Variants in TNFRSF13C observed in about 807,000 individuals in gnomAD.
The protein encoded by TNFRSF13C is tumor necrosis factor receptor superfamily member 13C.
In TNFRSF13C, 7 loss-of-function variants were observed where a neutral mutation model predicts 12.1. The ratio of observed to expected loss-of-function variants is 0.58; its 90% CI spans 0.33 to 1.08. The LOEUF (loss-of-function observed/expected upper bound fraction) is 1.08. Among genes scored for constraint, TNFRSF13C ranks in the 50% least tolerant of loss-of-function variants. The probability of loss-of-function intolerance (pLI) is 0.04; values close to 1 mark genes in which losing one functional copy is unlikely to be tolerated. For synonymous variants in TNFRSF13C, 157 were observed against 130.8 expected, an observed-to-expected ratio of 1.20 and a Z score of -1.37; for missense variants, 260 against 265.9, an observed-to-expected ratio of 0.98 and a Z score of 0.15.
Position 41,925,418 on chromosome 22 carries a change from C to T in TNFRSF13C, c.504G>A (p.Leu168=), listed in dbSNP as rs374814661. 3.7e-6 allele frequency: 6 copies of T among 1,610,840 alleles called. No homozygotes were observed. The highest frequency in any genetic ancestry group is 5.1e-6 in the Non-Finnish European group (6 of 1,179,962). ...GHSVPVPATE[L]GSTELVTTKT... ...TGGTGGTCACCAGTTCAGTGGAGCCCAGCTCTGTGGCTGGCACAGGGACAC... is the reference window on the plus strand; with the variant it reads ...TGGTGGTCACCAGTTCAGTGGAGCCTAGCTCTGTGGCTGGCACAGGGACAC... Residue 168 remains leucine (L), a synonymous_variant, in exon 3 of 3, where the codon CTG becomes CTA. Coordinates refer to ENST00000291232, the MANE Select transcript of TNFRSF13C (RefSeq NM_052945.4).
chr22:41,925,343 G>A lies in TNFRSF13C; in HGVS notation c.*24C>T. On this transcript the variant is annotated 3_prime_UTR_variant, in exon 3 of 3. Transcript: ENST00000291232. ...GGCTGGGGGTCCAGAGGGAGGGCAGGGGCCACCTCCTGCCGGCTCCCTGCT... is the reference window on the plus strand; with the variant it reads ...GGCTGGGGGTCCAGAGGGAGGGCAGAGGCCACCTCCTGCCGGCTCCCTGCT... 1 of 1,588,486 alleles carries A rather than the reference G, an allele frequency of 6.3e-7. No homozygotes were observed. The highest frequency in any genetic ancestry group is 8.5e-7 in the Non-Finnish European group (1 of 1,171,108).
rs2077630555 is a variant in TNFRSF13C at position 41,926,307 on chromosome 22, C to G, written c.161G>C (p.Arg54Thr). Residue 54 changes from arginine (R) to threonine (T), a missense_variant, in exon 2 of 3, where the codon AGG becomes ACG. By Grantham distance (71) the Arg-to-Thr change is moderately conservative. Transcript: ENST00000291232. The surrounding 1 kb of genome is among the most constrained non-coding windows in gnomAD (Gnocchi z 4.9). ...CGACTCCTGCGGCTGCAGCGCCGTC[C>G]TGGGCGCAGGGCTGCTGGCCCCGGC... Reference protein sequence around the residue: ...KPAGASSPAPRTALQPQESVG... With the variant: ...KPAGASSPAPTTALQPQESVG... The G allele has an allele frequency of 6.9e-7, 1 of 1,451,250 alleles. No individual in the cohort carries two copies. The highest frequency in any genetic ancestry group is 9.0e-7 in the Non-Finnish European group (1 of 1,109,108). 89.9% of individuals were successfully genotyped at this position (1,451,250 alleles called of 1,614,324 possible).
rs971695328 is a variant in TNFRSF13C, at chr22:41,923,341, A to C, written c.*2026T>G. 6.5e-6 allele frequency: 1 copy of C among 154,596 alleles called. No individual in the cohort carries two copies. The highest frequency in any genetic ancestry group is 2.4e-5 in the African/African-American group (1 of 41,518). The allele number at this position is 154,596 out of a possible 1,614,324, so 9.6% of individuals were successfully genotyped here. Reference sequence around the variant, plus strand: ...GCAACAAGTTCCAAGGAAGCTGCCCAGGGCGAAGTCCAGGTCAGGAGGTTC... The same window carrying C: ...GCAACAAGTTCCAAGGAAGCTGCCCCGGGCGAAGTCCAGGTCAGGAGGTTC... On this transcript the variant is annotated 3_prime_UTR_variant, in exon 3 of 3. Coordinates refer to ENST00000291232, the MANE Select transcript of TNFRSF13C (RefSeq NM_052945.4).
At position 41,926,145 on chromosome 22, in the gene TNFRSF13C, A is replaced by AGCCGCCGCTGTC. The variant is rs1382035439; in HGVS notation, c.311_322dup (p.Arg104_Arg107dup). ...GGCCTCTGCGGAGGACGCGCCGCGA[A>AGCCGCCGCTGTC]GCCGCCGCTGTCGCCGCCTCCAGCT... On this transcript the variant is annotated inframe_insertion, in exon 2 of 3. Coordinates refer to ENST00000291232, the MANE Select transcript of TNFRSF13C (RefSeq NM_052945.4). The surrounding 1 kb of genome is among the most constrained non-coding windows in gnomAD (Gnocchi z 4.9). 1 of 1,611,454 alleles carries AGCCGCCGCTGTC rather than the reference A, an allele frequency of 6.2e-7. No homozygotes were observed.
intron 2 of TNFRSF13C, 88 bp from the exon 3 acceptor site, chr22:41,925,642 T>G: frequency 6.6e-7 from 1 of 1,521,992 alleles, no homozygotes; most frequent in Non-Finnish European, 8.9e-7. Context: ...CAGTCCTCCG[T>G]CAAATGAAGC....
rs1453310836 is a variant in TNFRSF13C at position 41,926,302 on chromosome 22, C to G, written c.166G>C (p.Ala56Pro). The part of the protein sequence containing the change: ...AGASSPAPRT[A>P]LQPQESVGAG... ...CCCACCGACTCCTGCGGCTGCAGCG[C>G]CGTCCTGGGCGCAGGGCTGCTGGCC... Residue 56 changes from alanine (A) to proline (P), a missense_variant, in exon 2 of 3, where the codon GCG becomes CCG. By Grantham distance (27) the Ala-to-Pro change is conservative. Coordinates refer to ENST00000291232, the MANE Select transcript of TNFRSF13C (RefSeq NM_052945.4). This position sits in a 1 kb window ranked among gnomAD's most constrained non-coding sequence, Gnocchi z 4.9. 5.5e-6 allele frequency: 8 copies of G among 1,463,780 alleles called. No individual in the cohort carries two copies. Among genetic ancestry groups the G allele is most frequent in the Non-Finnish European group, 7.2e-6 (8 of 1,116,278 alleles). 90.7% of individuals were successfully genotyped at this position (1,463,780 alleles called of 1,614,324 possible). A position where few individuals can be genotyped will look rare whatever the true frequency, so the allele number is the denominator to read the frequency against.
rs1445042910 is a variant in TNFRSF13C at position 41,922,514 on chromosome 22, G to A, written c.*2853C>T. On this transcript the variant is annotated 3_prime_UTR_variant, in exon 3 of 3. Coordinates refer to ENST00000291232, the MANE Select transcript of TNFRSF13C (RefSeq NM_052945.4). ...GAGAACTCAGGGGAAACTTCCTACC[G>A]GCTGGCGGGGCCAGCTGGGACAGAG... is the stretch of plus-strand genomic sequence containing the variant. 2 of 152,216 alleles carry A rather than the reference G, an allele frequency of 1.3e-5. No individual in the cohort carries two copies. The highest frequency in any genetic ancestry group is 3.9e-4 in the East Asian group (2 of 5,182). The allele number at this position is 152,216 out of a possible 1,614,324, so 9.4% of individuals were successfully genotyped here. A position where few individuals can be genotyped will look rare whatever the true frequency, so the allele number is the denominator to read the frequency against.
chr22:41,926,307 C>T lies in TNFRSF13C; in HGVS notation c.161G>A (p.Arg54Lys). Residue 54 changes from arginine (R) to lysine (K), a missense_variant, in exon 2 of 3, where the codon AGG (arginine) becomes AAG (lysine). Physicochemically the swap from Arg to Lys is conservative, Grantham distance 26. Transcript: ENST00000291232. The surrounding 1 kb of genome is among the most constrained non-coding windows in gnomAD (Gnocchi z 4.9). Reference protein sequence around the residue: ...KPAGASSPAPRTALQPQESVG... With the variant: ...KPAGASSPAPKTALQPQESVG... ...CGACTCCTGCGGCTGCAGCGCCGTC[C>T]TGGGCGCAGGGCTGCTGGCCCCGGC... The T allele has an allele frequency of 1.4e-6, 2 of 1,451,248 alleles. No homozygotes were observed. Among genetic ancestry groups the T allele is most frequent in the South Asian group, 1.3e-5 (1 of 74,688 alleles). The allele number at this position is 1,451,248 out of a possible 1,614,324, so 89.9% of individuals were successfully genotyped here. A position where few individuals can be genotyped will look rare whatever the true frequency, so the allele number is the denominator to read the frequency against.
rs1227276151 is a variant in TNFRSF13C, at chr22:41,923,585, G to C, written c.*1782C>G. 1 of 152,384 alleles carries C rather than the reference G, an allele frequency of 6.6e-6. No homozygotes were observed. Among genetic ancestry groups the C allele is most frequent in the Non-Finnish European group, 1.5e-5 (1 of 68,166 alleles). 9.4% of individuals were successfully genotyped at this position (152,384 alleles called of 1,614,324 possible). A position where few individuals can be genotyped will look rare whatever the true frequency, so the allele number is the denominator to read the frequency against. The stretch of plus-strand genomic sequence containing the variant: ...GCCAGTGCTTCAGGGGAACAAGCCA[G>C]AGAGAGAAGGGAGTTCAAGGGACCT... On this transcript the variant is annotated 3_prime_UTR_variant, in exon 3 of 3. Transcript: ENST00000291232.
intron 2 of TNFRSF13C, 28 bp from the exon 3 acceptor site, chr22:41,925,582 T>G: frequency 6.2e-7 from 1 of 1,609,352 alleles, no homozygotes; most frequent in Non-Finnish European, 8.5e-7. Context: ...AGAGGCTCCG[T>G]ACTCAGTCAC....
rs1439745064 is a variant in TNFRSF13C, at chr22:41,924,556, C to G, written c.*811G>C. 6.6e-6 allele frequency: 1 copy of G among 150,888 alleles called. No individual in the cohort carries two copies. Among genetic ancestry groups the G allele is most frequent in the East Asian group, 2.0e-4 (1 of 5,120 alleles). The allele number at this position is 150,888 out of a possible 1,614,324, so 9.3% of individuals were successfully genotyped here. A position where few individuals can be genotyped will look rare whatever the true frequency, so the allele number is the denominator to read the frequency against. On this transcript the variant is annotated 3_prime_UTR_variant, in exon 3 of 3. Transcript: ENST00000291232. ...CCTGTAGTCCCACCTACTCAGGAGG[C>G]TGAAGCAGAAAGATTGCTTGAGCCC... is the stretch of plus-strand genomic sequence containing the variant.
At position 41,926,316 on chromosome 22, in the gene TNFRSF13C, G is replaced by A. The variant is rs1355074916; in HGVS notation, c.152C>T (p.Pro51Leu). The change falls in exon 2 of 3, where the codon CCT becomes CTT. Residue 51 changes from proline (P) to leucine (L), a missense_variant. Coordinates refer to ENST00000291232, the MANE Select transcript of TNFRSF13C (RefSeq NM_052945.4). This position sits in a 1 kb window ranked among gnomAD's most constrained non-coding sequence, Gnocchi z 4.9. ...CGGCTGCAGCGCCGTCCTGGGCGCAGGGCTGCTGGCCCCGGCTGCTTCGGG... is the reference window on the plus strand; with the variant it reads ...CGGCTGCAGCGCCGTCCTGGGCGCAAGGCTGCTGGCCCCGGCTGCTTCGGG... ...PRPKPAGASS[P>L]APRTALQPQE... 18 of 1,434,768 alleles carry A rather than the reference G, an allele frequency of 1.3e-5. No individual in the cohort carries two copies. Among genetic ancestry groups the A allele is most frequent in the Non-Finnish European group, 1.5e-5 (16 of 1,102,368 alleles). 88.9% of individuals were successfully genotyped at this position (1,434,768 alleles called of 1,614,324 possible).
In TNFRSF13C at chr22:41,926,576, G is replaced by A. The variant is rs2077633443; in HGVS notation, c.136+62C>T. 2.2e-6 allele frequency: 3 copies of A among 1,358,108 alleles called. No homozygotes were observed. Among genetic ancestry groups the A allele is most frequent in the Non-Finnish European group, 2.8e-6 (3 of 1,060,912 alleles). The allele number at this position is 1,358,108 out of a possible 1,614,324, so 84.1% of individuals were successfully genotyped here. ...GGGTCGGGGCTCTGCCTGCGCCCTG[G>A]CGATCGGGGCCCCGTTCTCCCCGCA... On this transcript the variant is annotated intron_variant, in intron 1 of 2. Transcript: ENST00000291232. This position sits in a 1 kb window ranked among gnomAD's most constrained non-coding sequence, Gnocchi z 4.9.
chr22:41,925,259 C>A lies in TNFRSF13C; in HGVS notation c.*108G>T. 7 of 1,211,010 alleles carry A rather than the reference C, an allele frequency of 5.8e-6. No individual in the cohort carries two copies. Among genetic ancestry groups the A allele is most frequent in the Non-Finnish European group, 7.9e-6 (7 of 883,486 alleles). The allele number at this position is 1,211,010 out of a possible 1,614,324, so 75.0% of individuals were successfully genotyped here. On this transcript the variant is annotated 3_prime_UTR_variant, in exon 3 of 3. Coordinates refer to ENST00000291232, the MANE Select transcript of TNFRSF13C (RefSeq NM_052945.4). ...TGTGCTTCTGCAGAGTTAGCCTGGTCCCAGAAAGAGGGCATGTGCATGCTG... is the reference window on the plus strand; with the variant it reads ...TGTGCTTCTGCAGAGTTAGCCTGGTACCAGAAAGAGGGCATGTGCATGCTG...
At position 41,925,538 on chromosome 22, in the gene TNFRSF13C, G is replaced by T; in HGVS notation, c.384C>A (p.Asp128Glu). ...TTCCCGGAGACAGAATGATGACCTTGTCCAGGGGCTCTGGGGCTGCAGGCA... is the reference window on the plus strand; with the variant it reads ...TTCCCGGAGACAGAATGATGACCTTTTCCAGGGGCTCTGGGGCTGCAGGCA... ...DGDKDAPEPL[D>E]KVIILSPGIS... is the part of the protein sequence containing the mutation. The change falls in exon 3 of 3, where the codon GAC becomes GAA. Residue 128 changes from aspartate to glutamate, a missense_variant. Transcript: ENST00000291232. 1 of 1,613,166 alleles carries T rather than the reference G, an allele frequency of 6.2e-7. No individual in the cohort carries two copies. Among genetic ancestry groups the T allele is most frequent in the Non-Finnish European group, 8.5e-7 (1 of 1,180,016 alleles).
Position 41,925,357 on chromosome 22 carries a change from C to T in TNFRSF13C, c.*10G>A, listed in dbSNP as rs375349302. The stretch of plus-strand genomic sequence containing the variant: ...AGGGAGGGCAGGGGCCACCTCCTGC[C>T]GGCTCCCTGCTATTGTTGCTCAGGG... On this transcript the variant is annotated 3_prime_UTR_variant, in exon 3 of 3. Coordinates refer to ENST00000291232, the MANE Select transcript of TNFRSF13C (RefSeq NM_052945.4). 3.1e-5 allele frequency: 49 copies of T among 1,594,404 alleles called. No homozygotes were observed. In the East Asian group the frequency reaches 4.9e-4, roughly 16 times the overall value.
chr22:41,925,500 G>T lies in TNFRSF13C; in HGVS notation c.422C>A (p.Thr141Lys), dbSNP rs1379771021. Residue 141 changes from threonine to lysine, a missense_variant, in exon 3 of 3, where the codon ACA becomes AAA. Transcript: ENST00000291232. ...IILSPGISDA[T>K]APAWPPPGED... Reference sequence around the variant, plus strand: ...CCCAGGAGGAGGCCAGGCAGGAGCTGTGGCATCAGAGATTCCCGGAGACAG... The same window carrying T: ...CCCAGGAGGAGGCCAGGCAGGAGCTTTGGCATCAGAGATTCCCGGAGACAG... 6.2e-7 allele frequency: 1 copy of T among 1,613,582 alleles called. No individual in the cohort carries two copies. Among genetic ancestry groups the T allele is most frequent in the Non-Finnish European group, 8.5e-7 (1 of 1,180,012 alleles).
In TNFRSF13C at chr22:41,926,769, C is replaced by T. The variant is rs2077635510; in HGVS notation, c.5G>A (p.Arg2Lys). ...GCCCCGCAGGCTCCGGGGCCCTCGCCTCATGGTGCCGACGCCGCCGCACAA... is the reference window on the plus strand; with the variant it reads ...GCCCCGCAGGCTCCGGGGCCCTCGCTTCATGGTGCCGACGCCGCCGCACAA... M[R>K]RGPRSLRGRD... Residue 2 changes from arginine (R) to lysine (K), a missense_variant, in exon 1 of 3, where the codon AGG (arginine) becomes AAG (lysine). Physicochemically the swap from Arg to Lys is conservative, Grantham distance 26. Transcript: ENST00000291232. The surrounding 1 kb of genome is among the most constrained non-coding windows in gnomAD (Gnocchi z 4.9). The T allele has an allele frequency of 7.4e-7, 1 of 1,345,892 alleles. No homozygotes were observed. The highest frequency in any genetic ancestry group is 9.5e-7 in the Non-Finnish European group (1 of 1,052,096). The allele number at this position is 1,345,892 out of a possible 1,614,324, so 83.4% of individuals were successfully genotyped here.
At chr22:41,925,651 G>A in intron 2 of TNFRSF13C, 97 bp from the exon 3 acceptor site, 2 of 1,474,130 alleles carry the variant, frequency 1.4e-6, no homozygotes, top group East Asian at 2.3e-5. Context: ...GTCAAATGAA[G>A]CCCAATGCAG....
Sources: gnomAD v4.1 joint callset for allele counts on GRCh38, gnomAD v4.1.1 for gene constraint, Gnocchi (gnomAD v3.1) non-coding constraint, MANE v1.5 for transcripts, NCBI Gene and HGNC (gene_info 2026-07-23, HGNC 2026-07-21) for gene names.